The following MACO1 variants were observed in gnomAD, a reference collection of about 807,000 sequenced individuals.
MACO1 encodes the protein macoilin.
MACO1 carries 14 observed loss-of-function variants against 78.7 expected under a neutral mutation model. That is an observed-to-expected ratio of 0.18 (90% CI 0.12 to 0.28). MACO1 has a LOEUF of 0.28. MACO1 is among the 10% of genes least tolerant of loss of function. The pLI, the probability that MACO1 is intolerant of heterozygous loss-of-function variation, is 1.00. For missense variants in MACO1, 501 were observed against 799.0 expected (o/e 0.63, Z 4.50); for synonymous variants, 288 against 291.6 (o/e 0.99, Z 0.12).
intron 1 of MACO1, among the ~76,000 whole-genome samples, chr1:25,438,339 TAATC>T (rs1343281775): frequency 1.3e-5 from 2 of 152,212 alleles, no homozygotes; most frequent in African/African-American, 4.8e-5. Flanking sequence ...TTGATAGTAA[TAATC>T]TGCTTAATCA....
intron 6 of MACO1, among the ~76,000 whole-genome samples, chr1:25,470,415 A>T (rs1553165775): frequency 6.6e-6 from 1 of 152,182 alleles, no homozygotes; most frequent in Non-Finnish European, 1.5e-5. Flanking sequence ...ATGAAGCAAG[A>T]ATAGAATCCA....
At chr1:25,461,520 A>G (rs2043172440) in intron 6 of MACO1, among the ~76,000 whole-genome samples, 1 of 152,188 alleles carries the variant, frequency 6.6e-6, no homozygotes, top group Non-Finnish European at 1.5e-5. Flanking sequence ...TAAAACTAAT[A>G]GAATAGTGCT....
At chr1:25,478,668 T>TA (rs2043344153) in intron 6 of MACO1, among the ~76,000 whole-genome samples, 1 of 152,248 alleles carries the variant, frequency 6.6e-6, no homozygotes. Flanking sequence ...AGTTGAGTGC[T>TA]ATCTTTTGAA....
intron 6 of MACO1, among the ~76,000 whole-genome samples, chr1:25,470,328 T>C (rs2043256220): frequency 6.6e-6 from 1 of 152,174 alleles, no homozygotes; most frequent in Admixed American, 6.5e-5. Context: ...GGCTCCTAGC[T>C]CCAGGGCAAG....
At chr1:25,483,011 T>C (rs1310700236) in intron 6 of MACO1, among the ~76,000 whole-genome samples, 1 of 152,200 alleles carries the variant, frequency 6.6e-6, no homozygotes, top group East Asian at 1.9e-4. Context: ...TGTGAAGTTT[T>C]CCCATGAAGA....
intron 6 of MACO1, among the ~76,000 whole-genome samples, chr1:25,467,879 G>A (rs948629410): frequency 6.6e-6 from 1 of 151,952 alleles, no homozygotes; most frequent in African/African-American, 2.4e-5. Context: ...CTAGGGTGAC[G>A]GTGCCAGGAC....
chr1:25,463,042 A>G lies in MACO1; in HGVS notation c.1154+4150A>G, dbSNP rs1161734031. On this transcript the variant is annotated intron_variant, in intron 6 of 10. Coordinates refer to ENST00000374343, the MANE Select transcript of MACO1 (RefSeq NM_018202.6). ...CTATGGCCTGCAAAGCCAAAAGTAT[A>G]TACTGTCTGGCCCTTTACAGAAAAA... 2.6e-5 allele frequency among the ~76,000 whole-genome samples: 4 copies of G among 152,216 alleles called. No individual in the cohort carries two copies. In the South Asian group the frequency reaches 8.3e-4, roughly 32 times the overall value.
intron 6 of MACO1, among the ~76,000 whole-genome samples, chr1:25,469,815 A>G (rs1193696213): frequency 1.3e-5 from 2 of 151,370 alleles, no homozygotes; most frequent in African/African-American, 4.9e-5. Flanking sequence ...TTTTGTAGAG[A>G]CGGGGTTTCA....
At chr1:25,467,565 TG>T (rs2043230575) in intron 6 of MACO1, among the ~76,000 whole-genome samples, 1 of 152,214 alleles carries the variant, frequency 6.6e-6, no homozygotes, top group African/African-American at 2.4e-5. Context: ...CTGCCTTTTT[TG>T]TTAAGACAGA....
At chr1:25,435,937 T>TCCC (rs2042915830) in intron 1 of MACO1, among the ~76,000 whole-genome samples, 2 of 152,224 alleles carry the variant, frequency 1.3e-5, no homozygotes, top group Non-Finnish European at 2.9e-5. Flanking sequence ...GTCTGAGCAG[T>TCCC]CTTGGCAGTT....
chr1:25,464,142 C>A (rs2043195143), intron 6 of MACO1, among the ~76,000 whole-genome samples: 1 of 152,120 alleles, frequency 6.6e-6, no homozygotes, highest in South Asian at 2.1e-4. Flanking sequence ...TAGAAATCCT[C>A]TGTGCTCCGT....
chr1:25,461,614 A>G (rs1283178699), intron 6 of MACO1, among the ~76,000 whole-genome samples: 1 of 152,158 alleles, frequency 6.6e-6, no homozygotes, highest in Non-Finnish European at 1.5e-5. Context: ...ATATCCAATA[A>G]TGGGAGAAAT....
At chr1:25,484,027 A>ACCCAGCAGTCCAGGACC in intron 6 of MACO1, 89 bp from the exon 7 acceptor site, 4 of 1,359,560 alleles carry the variant, frequency 2.9e-6, no homozygotes, top group Non-Finnish European at 4.0e-6. Context: ...TCTGCCATTC[A>ACCCAGCAGTCCAGGACC]CCCAGCAGTC....
chr1:25,431,327 C>T (rs1441344634), intron 1 of MACO1, 149 bp downstream of exon 1: 7 of 347,532 alleles, frequency 2.0e-5, no homozygotes, highest in African/African-American at 6.7e-5. Context: ...GCCGCTGGCC[C>T]GCCCGCCGGG....
intron 6 of MACO1, among the ~76,000 whole-genome samples, chr1:25,482,484 G>A (rs984574127): frequency 2.6e-5 from 4 of 152,196 alleles, no homozygotes; most frequent in Admixed American, 6.5e-5. Context: ...CTAATGGCTT[G>A]CCCGCACATG....
chr1:25,444,130 G>A (rs1476368683), intron 1 of MACO1, among the ~76,000 whole-genome samples: 1 of 151,660 alleles, frequency 6.6e-6, no homozygotes. Context: ...GTGGTGGTGT[G>A]CACCTGTAGT....
At chr1:25,479,945 A>G (rs1341950592) in intron 6 of MACO1, among the ~76,000 whole-genome samples, 2 of 152,196 alleles carry the variant, frequency 1.3e-5, no homozygotes, top group African/African-American at 4.8e-5. Flanking sequence ...AGAAATAGAA[A>G]AAAACATACA....
chr1:25,481,492 C>T (rs2043377504), intron 6 of MACO1, among the ~76,000 whole-genome samples: 2 of 152,176 alleles, frequency 1.3e-5, no homozygotes, highest in South Asian at 4.1e-4. Context: ...CTAAACCAGG[C>T]TTAGCCCCTA....
Position 25,448,784 on chromosome 1 carries a change from ATTTTG to A in MACO1, c.223-19_223-15del, listed in dbSNP as rs754552922. 4 of 1,501,908 alleles carry A rather than the reference ATTTTG, an allele frequency of 2.7e-6. No homozygotes were observed. The highest frequency in any genetic ancestry group is 2.7e-5 in the African/African-American group (2 of 73,140). The allele number at this position is 1,501,908 out of a possible 1,614,324, so 93.0% of individuals were successfully genotyped here. A position where few individuals can be genotyped will look rare whatever the true frequency, so the allele number is the denominator to read the frequency against. ...TAACAGGTTCTAAGATGTATCTTTT[ATTTTG>A]TTTTATTTTTCCCTTTAGGCCTTCT... On this transcript the variant is annotated intron_variant, in intron 2 of 10. Coordinates refer to ENST00000374343, the MANE Select transcript of MACO1 (RefSeq NM_018202.6).
Sources: allele counts gnomAD v4.1 joint callset (sites outside exome capture counted in the v4.1 genomes callset), GRCh38; gene constraint gnomAD v4.1.1; transcripts MANE v1.5; gene names NCBI Gene and HGNC (gene_info 2026-07-23, HGNC 2026-07-21).